The following NUMA1 variants were observed in gnomAD, a reference collection of about 807,000 sequenced individuals.
The protein encoded by NUMA1 is SP-H antigen.
In NUMA1, 62 loss-of-function variants were observed where a neutral mutation model predicts 237.1. The ratio of observed to expected loss-of-function variants is 0.26; its 90% confidence interval spans 0.21 to 0.32. The LOEUF is 0.32. NUMA1 is among the 10% of genes least tolerant of loss of function. NUMA1 has a pLI of 1.00. For missense variants in NUMA1, 2,533 were observed against 2,666.5 expected (o/e 0.95, Z 1.10); for synonymous variants, 1,028 against 1,066.1 (o/e 0.96, Z 0.70).
chr11:72,006,308 T>C (rs1349292687), intron 21 of NUMA1, 45 bp from the exon 22 acceptor site: 5 of 1,544,060 alleles, frequency 3.2e-6, no homozygotes, highest in Non-Finnish European at 4.5e-6. Context: ...TCCCTGGCAC[T>C]GTACAGAAGC....
intron 1 of NUMA1, among the ~76,000 whole-genome samples, chr11:72,075,729 A>G (rs1943674589): frequency 6.6e-6 from 1 of 152,160 alleles, no homozygotes; most frequent in Non-Finnish European, 1.5e-5. Flanking sequence ...TCCTTTATGG[A>G]GTTCACTCTA....
At chr11:72,070,589 C>G (rs143116273) in intron 1 of NUMA1, among the ~76,000 whole-genome samples, 1 of 152,306 alleles carries the variant, frequency 6.6e-6, no homozygotes, top group African/African-American at 2.4e-5. Context: ...GGGCAGATCG[C>G]TTGAGCTCAG....
intron 13 of NUMA1, 117 bp downstream of exon 13, chr11:72,017,570 T>A (rs1239857434): frequency 1.6e-6 from 2 of 1,245,752 alleles, no homozygotes; most frequent in Non-Finnish European, 1.2e-6. Context: ...AGCACACTAT[T>A]GAACCTTGAA....
intron 23 of NUMA1, 117 bp downstream of exon 23, chr11:72,005,116 C>T: frequency 8.3e-7 from 1 of 1,203,466 alleles, no homozygotes; most frequent in Non-Finnish European, 1.1e-6. Flanking sequence ...AGAAGGTCAC[C>T]CTCCCCCTCC....
Position 72,015,889 on chromosome 11 carries a change from G to T in NUMA1, c.1614C>A (p.Thr538=). Residue 538 remains threonine (T), a synonymous_variant, in exon 15 of 27, where the codon ACC becomes ACA. Coordinates refer to ENST00000393695, the MANE Select transcript of NUMA1 (RefSeq NM_006185.4). This position sits in a 1 kb window ranked among gnomAD's most constrained non-coding sequence, Gnocchi z 4.0. ...GGGAGGCCTGTTCTTGCTGTTGGAGGGTCTGTGCTAGCTGGGCCTGCTTCT... is the reference window on the plus strand; with the variant it reads ...GGGAGGCCTGTTCTTGCTGTTGGAGTGTCTGTGCTAGCTGGGCCTGCTTCT... The part of the protein sequence containing the change: ...AKEKQAQLAQ[T]LQQQEQASQG... The T allele has an allele frequency of 6.2e-7, 1 of 1,614,088 alleles. No individual in the cohort carries two copies. Among genetic ancestry groups the T allele is most frequent in the Non-Finnish European group, 8.5e-7 (1 of 1,180,024 alleles).
intron 2 of NUMA1, chr11:72,049,466 T>C (rs1442039533): frequency 4.0e-5 from 6 of 148,940 alleles, no homozygotes; most frequent in South Asian, 2.1e-4. Context: ...CCCGGCACTT[T>C]TGGAGGCCAA....
chr11:72,004,628 C>T lies in NUMA1; in HGVS notation c.6006+12G>A. On this transcript the variant is annotated intron_variant, in intron 24 of 26. Coordinates refer to ENST00000393695, the MANE Select transcript of NUMA1 (RefSeq NM_006185.4). ...CAGTGCTGGAGTAACACCCAGGAGCCACCGCGCCTACCTCAGGAGTTCCAG... is the reference window on the plus strand; with the variant it reads ...CAGTGCTGGAGTAACACCCAGGAGCTACCGCGCCTACCTCAGGAGTTCCAG... 6.2e-7 allele frequency: 1 copy of T among 1,610,128 alleles called. No homozygotes were observed. The highest frequency in any genetic ancestry group is 8.5e-7 in the Non-Finnish European group (1 of 1,179,158).
At chr11:72,057,367 T>C (rs1230564502) in intron 2 of NUMA1, among the ~76,000 whole-genome samples, 4 of 152,270 alleles carry the variant, frequency 2.6e-5, no homozygotes, top group African/African-American at 9.6e-5. Context: ...ATTTACATAT[T>C]AATTCCATAT....
chr11:72,074,440 G>T (rs1200802174), intron 1 of NUMA1, among the ~76,000 whole-genome samples: 1 of 152,148 alleles, frequency 6.6e-6, no homozygotes, highest in Non-Finnish European at 1.5e-5. Context: ...GTTACCTATT[G>T]CTATTACTAA....
At chr11:72,007,937 A>C in intron 20 of NUMA1, 1 of 372,032 alleles carries the variant, frequency 2.7e-6, no homozygotes, top group Non-Finnish European at 5.3e-6. Flanking sequence ...TAGACTCATC[A>C]TGGCACTGAC....
At chr11:72,019,330 A>G (rs959270270) in intron 9 of NUMA1, among the ~76,000 whole-genome samples, 164 bp downstream of exon 9, 11 of 152,154 alleles carry the variant, frequency 7.2e-5, no homozygotes, top group Admixed American at 6.5e-4. Context: ...ACAAATCCCA[A>G]CCACTTCCCC....
rs763198425 is a variant in NUMA1 at position 72,003,980 on chromosome 11, G to A, written c.6243C>T (p.Arg2081=). ...KALSKASPNT[R]SGTRRSPRIA... The stretch of plus-strand genomic sequence containing the variant: ...TGCGCGGAGAACGGCGGGTTCCACT[G>A]CGAGTGTTGGGGGAAGCCTTGGACA... The change falls in exon 26 of 27, where the codon CGC becomes CGT. Residue 2081 remains arginine, a synonymous_variant. Coordinates refer to ENST00000393695, the MANE Select transcript of NUMA1 (RefSeq NM_006185.4). 6.2e-7 allele frequency: 1 copy of A among 1,613,222 alleles called. No homozygotes were observed. The highest frequency in any genetic ancestry group is 1.3e-5 in the African/African-American group (1 of 75,042).
At chr11:72,029,454 C>T (rs1432475653) in intron 3 of NUMA1, among the ~76,000 whole-genome samples, 164 bp from the exon 4 acceptor site, 1 of 152,230 alleles carries the variant, frequency 6.6e-6, no homozygotes, top group East Asian at 1.9e-4. Context: ...TGCACTCACT[C>T]ATCCAGTTAC....
chr11:72,009,017 C>T lies in NUMA1; in HGVS notation c.5008G>A (p.Glu1670Lys). Residue 1670 changes from glutamate to lysine, a missense_variant, in exon 19 of 27, where the codon GAA (glutamate) becomes AAA (lysine). Around this residue, in one of 3 missense-constraint regions of NUMA1, gnomAD observed 795 missense variants for 750.8 expected, o/e 1.06. Coordinates refer to ENST00000393695, the MANE Select transcript of NUMA1 (RefSeq NM_006185.4). ...QQAGLKTKEA[E>K]QTCRHLTAQV... ...GCAGTAAGGTGGCGGCAGGTCTGTT[C>T]AGCCTCCTTGGTCTTCAGCCCAGCC... The T allele has an allele frequency of 6.2e-7, 1 of 1,613,826 alleles. No homozygotes were observed. The highest frequency in any genetic ancestry group is 8.5e-7 in the Non-Finnish European group (1 of 1,180,022).
chr11:72,056,635 T>TAAAAAAAA (rs59248999), intron 2 of NUMA1, among the ~76,000 whole-genome samples: 7,085 of 74,296 alleles, frequency 0.095, 907 homozygotes, highest in Non-Finnish European at 0.12. Flanking sequence ...CCCATCTCTT[T>TAAAAAAAA]AAAAAAAAAA....
In NUMA1 at chr11:72,049,559, TAATATATA is replaced by T. The variant is rs1222357837; in HGVS notation, c.-32-13592_-32-13585del. 2.9e-3 allele frequency: 20 copies of T among 6,866 alleles called. 6 individuals carry two copies. Among genetic ancestry groups the T allele is most frequent in the East Asian group, 6.1e-3 (3 of 492 alleles). 0.4% of individuals were successfully genotyped at this position (6,866 alleles called of 1,614,324 possible). On this transcript the variant is annotated intron_variant, in intron 2 of 26. Transcript: ENST00000393695. ...ACCTGTCTAAAAAAAAAAATAATAA[TAATATATA>T]TATATATATATATATAGTGTGTGTG...
chr11:72,015,550 C>T lies in NUMA1; in HGVS notation c.1953G>A (p.Lys651=). The part of the protein sequence containing the change: ...AQREKAELSR[K]VEELQACVET... ...CAACACAGGCCTGGAGTTCCTCCAC[C>T]TTCCGGCTCAGCTCTGCCTTCTCCC... Residue 651 remains lysine (K), a synonymous_variant, in exon 15 of 27, where the codon AAG becomes AAA. Coordinates refer to ENST00000393695, the MANE Select transcript of NUMA1 (RefSeq NM_006185.4). This position sits in a 1 kb window ranked among gnomAD's most constrained non-coding sequence, Gnocchi z 4.0. The T allele has an allele frequency of 6.2e-7, 1 of 1,613,610 alleles. No homozygotes were observed. Among genetic ancestry groups the T allele is most frequent in the Non-Finnish European group, 8.5e-7 (1 of 1,180,038 alleles).
chr11:72,077,795 C>A (rs1591101653), intron 1 of NUMA1, among the ~76,000 whole-genome samples: 1 of 114,676 alleles, frequency 8.7e-6, no homozygotes, highest in African/African-American at 3.5e-5. Context: ...GCCTGGGCAA[C>A]AGAGTGAGAC....
intron 3 of NUMA1, among the ~76,000 whole-genome samples, chr11:72,035,665 C>G (rs970135773): frequency 5.3e-5 from 8 of 152,154 alleles, no homozygotes; most frequent in Admixed American, 1.3e-4. Flanking sequence ...CCTGCCTCGG[C>G]CTCCCAAAGT....
Sources: gnomAD v4.1 joint callset for allele counts (sites outside exome capture counted in the v4.1 genomes callset) on GRCh38, gnomAD v4.1.1 for gene constraint, gnomAD v4.1.1 regional missense constraint, Gnocchi (gnomAD v3.1) non-coding constraint, MANE v1.5 for transcripts, NCBI Gene and HGNC (gene_info 2026-07-23, HGNC 2026-07-21) for gene names.